The following NLGN4X variants were observed in gnomAD, a reference collection of about 807,000 sequenced individuals.
The protein encoded by NLGN4X is neuroligin 4 X-linked, also known as neuroligin-4, X-linked.
A neutral mutation model predicts 40.3 loss-of-function variants in NLGN4X; 3 were observed. The observed-to-expected ratio is 0.07, with a 90% CI of 0.03 to 0.19. NLGN4X has a LOEUF of 0.19. Ranked by LOEUF, NLGN4X falls within the 10% of genes least tolerant of loss-of-function variation. The pLI, the probability that NLGN4X is intolerant of heterozygous loss-of-function variation, is 1.00. For missense variants in NLGN4X, 382 were observed against 708.3 expected (o/e 0.54, Z 5.23); for synonymous variants, 270 against 306.8 (o/e 0.88, Z 1.25).
At chrX:6,054,663 AT>A (rs905307863) in intron 2 of NLGN4X, among the ~76,000 whole-genome samples, 3 of 109,594 alleles carry the variant, frequency 2.7e-5, no homozygotes, top group Non-Finnish European at 3.8e-5. Flanking sequence ...AGGGGAATTA[AT>A]TTTTTTTTGA....
At chrX:6,047,978 C>A (rs2037371140) in intron 2 of NLGN4X, among the ~76,000 whole-genome samples, 1 of 111,435 alleles carries the variant, frequency 9.0e-6, no homozygotes. Context: ...AAAGCCTGGG[C>A]CCCTGGAAGG....
Position 5,890,816 on chromosome X carries a change from G to A in NLGN4X, c.*2001C>T, listed in dbSNP as rs1279566746. 4 of 305,174 alleles carry A rather than the reference G, an allele frequency of 1.3e-5. No homozygotes were observed. In the East Asian group the frequency reaches 4.0e-4, roughly 30 times the overall value. 25.1% of individuals were successfully genotyped at this position (305,174 alleles called of 1,213,427 possible). ...AAGCAATAGGATTTGGGGGTGACTT[G>A]TACGCATTTCTAAAAACACTTTTCT... On this transcript the variant is annotated 3_prime_UTR_variant, in exon 6 of 6. Coordinates refer to ENST00000381095, the MANE Select transcript of NLGN4X (RefSeq NM_181332.3).
At chrX:6,105,657 G>A (rs934723628) in intron 2 of NLGN4X, among the ~76,000 whole-genome samples, 2 of 111,505 alleles carry the variant, frequency 1.8e-5, no homozygotes, top group Admixed American at 9.5e-5. Context: ...CAATCATTAA[G>A]CCAGGAGTTT....
intron 3 of NLGN4X, among the ~76,000 whole-genome samples, chrX:5,993,177 C>T (rs1169541345): frequency 1.8e-5 from 2 of 110,664 alleles, no homozygotes; most frequent in South Asian, 7.7e-4. Context: ...GTATATTGAG[C>T]AACATCTTGG....
intron 2 of NLGN4X, among the ~76,000 whole-genome samples, chrX:6,098,626 T>C (rs750377014): frequency 1.8e-5 from 2 of 111,896 alleles, no homozygotes; most frequent in East Asian, 5.6e-4. Context: ...TGTCTACCCC[T>C]GCCTGCATTT....
chrX:6,079,558 C>T (rs1303378227), intron 2 of NLGN4X, among the ~76,000 whole-genome samples: 1 of 111,916 alleles, frequency 8.9e-6, no homozygotes, highest in African/African-American at 3.2e-5. Flanking sequence ...CTTTTTCCCA[C>T]ATGGGTACAT....
At chrX:6,159,549 C>T (rs1206083983) in intron 1 of NLGN4X, among the ~76,000 whole-genome samples, 2 of 111,739 alleles carry the variant, frequency 1.8e-5, no homozygotes, top group African/African-American at 3.2e-5. Context: ...CATGATTATG[C>T]GACAAGCCCA....
chrX:5,953,274 G>A (rs1364536063), intron 3 of NLGN4X, among the ~76,000 whole-genome samples: 1 of 110,849 alleles, frequency 9.0e-6, no homozygotes, highest in East Asian at 2.9e-4. Flanking sequence ...TACTCAGGAG[G>A]CTGAGGTGGG....
At chrX:6,002,118 G>A (rs1196178259) in intron 3 of NLGN4X, among the ~76,000 whole-genome samples, 4 of 111,403 alleles carry the variant, frequency 3.6e-5, no homozygotes, top group African/African-American at 6.5e-5. Flanking sequence ...ACGTGAGGTC[G>A]AGGCATGGAA....
At chrX:5,896,509 A>G (rs1043102651) in intron 5 of NLGN4X, among the ~76,000 whole-genome samples, 21 of 111,966 alleles carry the variant, frequency 1.9e-4, no homozygotes, top group African/African-American at 6.8e-4. Flanking sequence ...ATGATTGAGG[A>G]CAGAAACACA....
At chrX:5,896,487 T>A (rs757905411) in intron 5 of NLGN4X, among the ~76,000 whole-genome samples, 9 of 111,825 alleles carry the variant, frequency 8.0e-5, no homozygotes, top group Non-Finnish European at 1.7e-4. Flanking sequence ...GTGAGTAAAA[T>A]TAAAGACTAT....
At position 5,917,813 on chromosome X, in the gene NLGN4X, T is replaced by A. The variant is rs1338347341; in HGVS notation, c.626-8574A>T. 8.9e-5 allele frequency among the ~76,000 whole-genome samples: 10 copies of A among 112,429 alleles called. 1 individual carries two copies. The highest frequency in any genetic ancestry group is 5.7e-4 in the Admixed American group (6 of 10,579). ...GGAAAAAATTGACTGCTGGTCAAAT[T>A]AGACTCTGACTCTAAAATTATACAG... On this transcript the variant is annotated intron_variant, in intron 3 of 5. Transcript: ENST00000381095.
chrX:5,941,373 T>C (rs2033941767), intron 3 of NLGN4X, among the ~76,000 whole-genome samples: 1 of 111,220 alleles, frequency 9.0e-6, no homozygotes, highest in African/African-American at 3.3e-5. Context: ...ATGGATCAGA[T>C]TGCTTCTGAC....
At chrX:5,983,945 A>C (rs2035459385) in intron 3 of NLGN4X, among the ~76,000 whole-genome samples, 1 of 111,709 alleles carries the variant, frequency 9.0e-6, no homozygotes, top group African/African-American at 3.3e-5. Flanking sequence ...TGGGCAACAC[A>C]GGGAGCTGTC....
At chrX:5,896,552 G>A (rs1374245809) in intron 5 of NLGN4X, among the ~76,000 whole-genome samples, 2 of 112,053 alleles carry the variant, frequency 1.8e-5, no homozygotes, top group Non-Finnish European at 1.9e-5. Context: ...CTCAATGCAT[G>A]TCTTCCTCCT....
At chrX:6,119,947 A>G (rs951539080) in intron 2 of NLGN4X, among the ~76,000 whole-genome samples, 13 of 111,575 alleles carry the variant, frequency 1.2e-4, no homozygotes, top group African/African-American at 4.2e-4. Flanking sequence ...TGTAGATTAG[A>G]TAAATTAATT....
At chrX:5,974,033 T>C (rs2035104126) in intron 3 of NLGN4X, among the ~76,000 whole-genome samples, 1 of 111,386 alleles carries the variant, frequency 9.0e-6, no homozygotes, top group South Asian at 3.8e-4. Flanking sequence ...TGTTATTAAG[T>C]GGAAAAAGCA....
chrX:6,181,770 C>T (rs928086700), intron 1 of NLGN4X, among the ~76,000 whole-genome samples: 4 of 112,200 alleles, frequency 3.6e-5, no homozygotes, highest in Admixed American at 2.8e-4. Context: ...ACATAAGTTT[C>T]GGAGGGGATA....
chrX:6,075,894 T>C (rs5916285), intron 2 of NLGN4X, among the ~76,000 whole-genome samples: 21,730 of 110,638 alleles, frequency 0.2, 1,842 homozygotes, highest in South Asian at 0.27. Flanking sequence ...TCTCAGAGAT[T>C]CCTTAATTGC....
Sources: allele counts gnomAD v4.1 joint callset (sites outside exome capture counted in the v4.1 genomes callset), GRCh38; gene constraint gnomAD v4.1.1; transcripts MANE v1.5; gene names NCBI Gene and HGNC (gene_info 2026-07-23, HGNC 2026-07-21).